Variants in GPC5 observed in about 807,000 individuals in gnomAD.
GPC5 encodes the protein glypican-5.
A neutral mutation model predicts 53.9 loss-of-function variants in GPC5; 47 were observed. The observed-to-expected ratio is 0.87, with a 90% CI of 0.69 to 1.11. GPC5 has a LOEUF of 1.11. Ranked by LOEUF, GPC5 falls within the 50% of genes most tolerant of loss-of-function variation. The pLI, the probability that GPC5 is intolerant of heterozygous loss-of-function variation, is 0.00. For synonymous variants in GPC5, 286 were observed against 263.3 expected, an observed-to-expected ratio of 1.09 and a Z score of -0.84; for missense variants, 748 against 713.1, an observed-to-expected ratio of 1.05 and a Z score of -0.56.
chr13:92,513,258 A>G (rs1880641487), intron 7 of GPC5, among the ~76,000 whole-genome samples: 1 of 152,172 alleles, frequency 6.6e-6, no homozygotes, highest in African/African-American at 2.4e-5. Flanking sequence ...TGTTTTAGGA[A>G]TCATTGACAG....
intron 2 of GPC5, among the ~76,000 whole-genome samples, chr13:91,458,569 C>A (rs1881715276): frequency 6.6e-6 from 1 of 151,802 alleles, no homozygotes; most frequent in Non-Finnish European, 1.5e-5. Flanking sequence ...TTTACTCCTG[C>A]AAGAATGGCG....
At position 92,555,400 on chromosome 13, in the gene GPC5, G is replaced by T. The variant is rs185664081; in HGVS notation, c.1562-310882G>T. Reference sequence around the variant, plus strand: ...TCTGAAAGATACCTAAAATTACTTAGCAAAAGTCAAATGTCCATTCATTAT... The same window carrying T: ...TCTGAAAGATACCTAAAATTACTTATCAAAAGTCAAATGTCCATTCATTAT... On this transcript the variant is annotated intron_variant, in intron 7 of 7. Coordinates refer to ENST00000377067, the MANE Select transcript of GPC5 (RefSeq NM_004466.6). Among the ~76,000 whole-genome samples the T allele has an allele frequency of 3.2e-3, 481 of 151,448 alleles. 2 individuals carry two copies. The highest frequency in any genetic ancestry group is 3.5e-3 in the Non-Finnish European group (234 of 67,614).
chr13:92,398,404 G>T (rs1047235591), intron 7 of GPC5, among the ~76,000 whole-genome samples: 9 of 126,086 alleles, frequency 7.1e-5, no homozygotes, highest in Non-Finnish European at 1.1e-4. Context: ...ACTCCAGCCT[G>T]GGCGACAGAG....
chr13:92,398,407 C>T lies in GPC5; in HGVS notation c.1561+253418C>T, dbSNP rs868062993. On this transcript the variant is annotated intron_variant, in intron 7 of 7. Coordinates refer to ENST00000377067, the MANE Select transcript of GPC5 (RefSeq NM_004466.6). ...TCCCGCCACTGCACTCCAGCCTGGG[C>T]GACAGAGCGAGACTCCGTCTCAAAA... 7.4e-4 allele frequency among the ~76,000 whole-genome samples: 80 copies of T among 108,450 alleles called. 1 individual carries two copies. The highest frequency in any genetic ancestry group is 7.0e-3 in the Middle Eastern group (1 of 142). 71.1% of individuals were successfully genotyped at this position (108,450 alleles called of 152,430 possible). A position where few individuals can be genotyped will look rare whatever the true frequency, so the allele number is the denominator to read the frequency against.
chr13:92,782,758 T>A (rs1876078117), intron 7 of GPC5, among the ~76,000 whole-genome samples: 2 of 152,162 alleles, frequency 1.3e-5, no homozygotes, highest in Non-Finnish European at 2.9e-5. Flanking sequence ...CTTCAGACAC[T>A]TATGTAATAG....
At chr13:91,682,868 C>T (rs1003099878) in intron 2 of GPC5, among the ~76,000 whole-genome samples, 8 of 152,112 alleles carry the variant, frequency 5.3e-5, no homozygotes, top group Admixed American at 2.0e-4. Context: ...ATAATCAGTA[C>T]GTGGAAGACC....
At chr13:92,434,320 T>A (rs988922613) in intron 7 of GPC5, among the ~76,000 whole-genome samples, 2 of 152,058 alleles carry the variant, frequency 1.3e-5, no homozygotes, top group African/African-American at 4.8e-5. Flanking sequence ...AAGAAAAAAA[T>A]GTCTTGAATC....
At chr13:92,476,855 G>A (rs1879161789) in intron 7 of GPC5, among the ~76,000 whole-genome samples, 1 of 137,828 alleles carries the variant, frequency 7.3e-6, no homozygotes, top group South Asian at 2.4e-4. Context: ...GAGAACACAT[G>A]GACACAGGAA....
intron 7 of GPC5, among the ~76,000 whole-genome samples, chr13:92,862,638 T>C (rs542496115): frequency 2.0e-5 from 3 of 150,130 alleles, no homozygotes; most frequent in Non-Finnish European, 3.0e-5. Context: ...GATAGATAGA[T>C]AGATAGATAG....
intron 5 of GPC5, among the ~76,000 whole-genome samples, chr13:91,799,247 T>A (rs1482465260): frequency 6.6e-6 from 1 of 152,186 alleles, no homozygotes; most frequent in South Asian, 2.1e-4. Flanking sequence ...AATCAAATAT[T>A]GCCTATTCTC....
intron 6 of GPC5, among the ~76,000 whole-genome samples, chr13:91,940,335 T>C (rs2039914041): frequency 6.6e-6 from 1 of 152,192 alleles, no homozygotes; most frequent in African/African-American, 2.4e-5. Context: ...CATCCTTTTT[T>C]ATGGCTGCAT....
At chr13:92,205,634 T>G (rs773125972) in intron 7 of GPC5, among the ~76,000 whole-genome samples, 10 of 152,166 alleles carry the variant, frequency 6.6e-5, no homozygotes, top group Non-Finnish European at 1.5e-4. Flanking sequence ...CAGCAAAACA[T>G]CACATTTGTC....
At chr13:92,581,840 T>C (rs573097135) in intron 7 of GPC5, among the ~76,000 whole-genome samples, 2 of 152,296 alleles carry the variant, frequency 1.3e-5, no homozygotes, top group East Asian at 3.9e-4. Flanking sequence ...TTTATACCTG[T>C]TGGCTATTTT....
At chr13:91,731,441 T>G (rs1425243102) in intron 4 of GPC5, among the ~76,000 whole-genome samples, 7 of 152,222 alleles carry the variant, frequency 4.6e-5, no homozygotes, top group African/African-American at 1.7e-4. Flanking sequence ...TTTAGTATTT[T>G]TGTCAGGAGA....
chr13:92,783,249 A>G (rs1449292911), intron 7 of GPC5, among the ~76,000 whole-genome samples: 1 of 152,136 alleles, frequency 6.6e-6, no homozygotes, highest in Non-Finnish European at 1.5e-5. Context: ...ACTTTTCCAG[A>G]TTGAGCTAGA....
intron 5 of GPC5, among the ~76,000 whole-genome samples, chr13:91,766,196 G>T (rs2037519960): frequency 6.6e-6 from 1 of 152,202 alleles, no homozygotes; most frequent in Non-Finnish European, 1.5e-5. Flanking sequence ...AAGTTGGATG[G>T]AATTTTAATC....
chr13:92,163,460 C>CAAAAAAAAAAAAAAA (rs35480023), intron 7 of GPC5, among the ~76,000 whole-genome samples: 1 of 90,356 alleles, frequency 1.1e-5, no homozygotes, highest in African/African-American at 3.7e-5. Flanking sequence ...GATTCCATCT[C>CAAAAAAAAAAAAAAA]AAAAAAAAAA....
In GPC5 at chr13:92,752,258, CCA is replaced by C. The variant is rs1055967030; in HGVS notation, c.1562-114021_1562-114020del. Among the ~76,000 whole-genome samples, 101 of 152,206 alleles carry C rather than the reference CCA, an allele frequency of 6.6e-4. 1 individual carries two copies. Among genetic ancestry groups the C allele is most frequent in the African/African-American group, 2.4e-3 (98 of 41,514 alleles). ...CTAGATGTCATCCACACTGCTTCTC[CCA>C]CAGTTTTGTGACAATCCAAAGTATC... On this transcript the variant is annotated intron_variant, in intron 7 of 7. Transcript: ENST00000377067.
At chr13:91,425,971 C>T (rs1320619023) in intron 1 of GPC5, among the ~76,000 whole-genome samples, 1 of 152,100 alleles carries the variant, frequency 6.6e-6, no homozygotes, top group East Asian at 1.9e-4. Context: ...AAGCAAAGGT[C>T]ACTCTTGCTA....
Sources: allele counts gnomAD v4.1 joint callset (sites outside exome capture counted in the v4.1 genomes callset), GRCh38; gene constraint gnomAD v4.1.1; transcripts MANE v1.5; gene names NCBI Gene and HGNC (gene_info 2026-07-23, HGNC 2026-07-21).